Variants in LRRC1 observed in about 807,000 individuals in gnomAD.
The protein encoded by LRRC1 is leucine-rich repeat-containing protein 1.
In LRRC1, 28 loss-of-function variants were observed where a neutral mutation model predicts 69.9. That is an observed-to-expected ratio of 0.40 (90% CI 0.30 to 0.55). The LOEUF (loss-of-function observed/expected upper bound fraction) is 0.55, where lower values mean the gene tolerates loss of function less well. Among genes scored for constraint, LRRC1 ranks in the 20% least tolerant of loss-of-function variants. The pLI, the probability that LRRC1 is intolerant of heterozygous loss-of-function variation, is 0.47. For synonymous variants in LRRC1, 236 were observed against 240.2 expected (o/e 0.98, Z 0.16); for missense variants, 498 against 609.0 (o/e 0.82, Z 1.92).
At chr6:53,815,803 T>G (rs1217811833) in intron 1 of LRRC1, among the ~76,000 whole-genome samples, 1 of 152,232 alleles carries the variant, frequency 6.6e-6, no homozygotes, top group African/African-American at 2.4e-5. Context: ...AATATGATCT[T>G]GATCTTCCTG....
intron 2 of LRRC1, among the ~76,000 whole-genome samples, chr6:53,869,508 G>A (rs1766812559): frequency 6.6e-6 from 1 of 152,172 alleles, no homozygotes; most frequent in Non-Finnish European, 1.5e-5. Context: ...AAGAGATGTG[G>A]CACTAAGCGG....
chr6:53,845,528 G>A (rs1184565670), intron 2 of LRRC1, among the ~76,000 whole-genome samples: 1 of 152,130 alleles, frequency 6.6e-6, no homozygotes, highest in Non-Finnish European at 1.5e-5. Flanking sequence ...CCCAGATGGC[G>A]GTGCCTACTT....
In LRRC1 at chr6:53,827,875, C is replaced by T. The variant is rs537092257; in HGVS notation, c.160-14235C>T. On this transcript the variant is annotated intron_variant, in intron 1 of 13. Transcript: ENST00000370888. ...GCATTTTATAAGCTCTCAAAACCTA[C>T]AAAAATGTTGATGGTGTTATTATTA... Among the ~76,000 whole-genome samples the T allele has an allele frequency of 6.6e-5, 10 of 152,228 alleles. No individual in the cohort carries two copies. In the East Asian group the frequency reaches 1.4e-3, roughly 21 times the overall value.
intron 2 of LRRC1, among the ~76,000 whole-genome samples, chr6:53,868,596 C>T (rs138267603): frequency 2.6e-5 from 4 of 152,132 alleles, no homozygotes; most frequent in South Asian, 2.1e-4. Flanking sequence ...GATCCCCTCA[C>T]GTAGTGTTCT....
chr6:53,868,653 T>C (rs1305048530), intron 2 of LRRC1, among the ~76,000 whole-genome samples: 1 of 152,144 alleles, frequency 6.6e-6, no homozygotes, highest in Non-Finnish European at 1.5e-5. Context: ...AGATTGTAAG[T>C]TGGAGGTGTG....
intron 1 of LRRC1, among the ~76,000 whole-genome samples, chr6:53,812,643 TCG>T (rs1328600882): frequency 7.6e-6 from 1 of 130,774 alleles, no homozygotes; most frequent in Non-Finnish European, 1.5e-5. Context: ...TGAGCCGAGA[TCG>T]CGCCACTGCA....
intron 3 of LRRC1, among the ~76,000 whole-genome samples, chr6:53,879,565 G>A (rs1385603513): frequency 4.6e-5 from 7 of 151,996 alleles, no homozygotes; most frequent in African/African-American, 7.2e-5. Context: ...ATTACAGGCC[G>A]GAGCCACCTC....
chr6:53,913,475 G>T (rs1336301641), intron 10 of LRRC1, among the ~76,000 whole-genome samples: 1 of 152,058 alleles, frequency 6.6e-6, no homozygotes, highest in African/African-American at 2.4e-5. Context: ...TTGAAAATAG[G>T]ATTGTTAAAC....
At chr6:53,813,869 A>G (rs1407734466) in intron 1 of LRRC1, among the ~76,000 whole-genome samples, 1 of 152,186 alleles carries the variant, frequency 6.6e-6, no homozygotes, top group Non-Finnish European at 1.5e-5. Context: ...GTAAGTAGCT[A>G]AATTAGTTTT....
intron 1 of LRRC1, among the ~76,000 whole-genome samples, chr6:53,826,036 C>G (rs1483353925): frequency 2.0e-5 from 3 of 151,780 alleles, no homozygotes; most frequent in Admixed American, 2.0e-4. Flanking sequence ...CCTGTCGTTG[C>G]TGGCCTGTGA....
At chr6:53,872,724 A>T (rs1196902374) in intron 2 of LRRC1, among the ~76,000 whole-genome samples, 2 of 144,888 alleles carry the variant, frequency 1.4e-5, no homozygotes, top group African/African-American at 2.6e-5. Context: ...TTTGGGTAGT[A>T]TAGACACTTT....
chr6:53,871,877 A>ATGTTTTT, intron 2 of LRRC1, among the ~76,000 whole-genome samples: 1 of 152,186 alleles, frequency 6.6e-6, no homozygotes, highest in South Asian at 2.1e-4. Context: ...CATGTTAGCC[A>ATGTTTTT]GGCTGGTCTC....
chr6:53,864,615 C>T (rs980310752), intron 2 of LRRC1, among the ~76,000 whole-genome samples: 8 of 152,124 alleles, frequency 5.3e-5, no homozygotes, highest in African/African-American at 1.9e-4. Context: ...AATGGGACTC[C>T]TGCTATCTAT....
chr6:53,815,134 G>C (rs530477469), intron 1 of LRRC1, among the ~76,000 whole-genome samples: 3 of 151,980 alleles, frequency 2.0e-5, no homozygotes, highest in African/African-American at 4.8e-5. Context: ...ATGTTGGGGT[G>C]GGGGTGGGGG....
intron 1 of LRRC1, among the ~76,000 whole-genome samples, chr6:53,824,068 C>T (rs374971491): frequency 2.0e-5 from 3 of 151,410 alleles, no homozygotes; most frequent in African/African-American, 4.8e-5. Flanking sequence ...AATCGCCATA[C>T]TCTTTCCCAC....
chr6:53,875,399 TATC>T (rs1767032204), intron 2 of LRRC1, among the ~76,000 whole-genome samples: 1 of 152,070 alleles, frequency 6.6e-6, no homozygotes, highest in South Asian at 2.1e-4. Context: ...AAAAACAAAT[TATC>T]ATGAACTTAG....
chr6:53,922,564 C>A, intron 13 of LRRC1, 71 bp from the exon 14 acceptor site: 2 of 1,353,830 alleles, frequency 1.5e-6, no homozygotes, highest in Non-Finnish European at 2.1e-6. Flanking sequence ...AATGCTAATG[C>A]CTTGAAGCTG....
intron 1 of LRRC1, among the ~76,000 whole-genome samples, chr6:53,795,704 C>G (rs1389054218): frequency 6.6e-6 from 1 of 152,228 alleles, no homozygotes; most frequent in Admixed American, 6.5e-5. Flanking sequence ...ATGCTAGGTA[C>G]TGACACCTGG....
Position 53,795,273 on chromosome 6 carries a change from C to T in LRRC1, c.17C>T (p.Pro6Leu). The change falls in exon 1 of 14, where the codon CCC becomes CTC. Residue 6 changes from proline (P) to leucine (L), a missense_variant. Around this residue, in one of 3 missense-constraint regions of LRRC1, gnomAD observed 70 missense variants for 62.1 expected, o/e 1.13. Transcript: ENST00000370888. ...GGGGCGGCGATGTTCCACTGCATCC[C>T]CCTGTGGCGGTGCAACCGTCATGTG... Reference protein sequence around the residue: MFHCIPLWRCNRHVES... With the variant: MFHCILLWRCNRHVES... The T allele has an allele frequency of 6.2e-7, 1 of 1,611,230 alleles. No individual in the cohort carries two copies. The highest frequency in any genetic ancestry group is 1.1e-5 in the South Asian group (1 of 90,856).
Sources: gnomAD v4.1 joint callset for allele counts (sites outside exome capture counted in the v4.1 genomes callset) on GRCh38, gnomAD v4.1.1 for gene constraint, gnomAD v4.1.1 regional missense constraint, MANE v1.5 for transcripts, NCBI Gene and HGNC (gene_info 2026-07-23, HGNC 2026-07-21) for gene names.